ROBO2: variants seen among roughly 807,000 people sequenced by gnomAD.
The protein encoded by ROBO2 is roundabout homolog 2.
Under a neutral mutation model 160.8 loss-of-function variants are expected in ROBO2, and 53 were observed. The ratio of observed to expected loss-of-function variants is 0.33; its 90% CI spans 0.26 to 0.41. ROBO2 has a LOEUF of 0.41. Ranked by LOEUF, ROBO2 falls within the 10% of genes least tolerant of loss-of-function variation. ROBO2 has a pLI of 1.00. For missense variants in ROBO2, 1,577 were observed against 1,722.4 expected (o/e 0.92, Z 1.49); for synonymous variants, 664 against 611.7 (o/e 1.09, Z -1.26).
intron 2 of ROBO2, among the ~76,000 whole-genome samples, chr3:76,801,396 T>C (rs1275923513): frequency 1.3e-5 from 2 of 152,170 alleles, no homozygotes; most frequent in Non-Finnish European, 2.9e-5. Flanking sequence ...TTGTATATTT[T>C]AGAATAACTG....
At chr3:77,172,588 G>A (rs2079747470) in intron 2 of ROBO2, among the ~76,000 whole-genome samples, 1 of 152,050 alleles carries the variant, frequency 6.6e-6, no homozygotes, top group Non-Finnish European at 1.5e-5. Context: ...TCTGTTGAGT[G>A]TTTTCAGTGA....
intron 2 of ROBO2, among the ~76,000 whole-genome samples, chr3:76,099,261 G>A (rs1416432452): frequency 6.6e-6 from 1 of 151,970 alleles, no homozygotes; most frequent in African/African-American, 2.4e-5. Flanking sequence ...TTTACTGAAG[G>A]AGTTGGCTAT....
chr3:77,300,297 TG>T (rs1213572110), intron 2 of ROBO2, among the ~76,000 whole-genome samples: 1 of 151,928 alleles, frequency 6.6e-6, no homozygotes, highest in Admixed American at 6.6e-5. Flanking sequence ...AAGAGTTATT[TG>T]GAGAGTTGAT....
At chr3:76,360,809 C>T (rs138509824) in intron 2 of ROBO2, among the ~76,000 whole-genome samples, 6 of 152,108 alleles carry the variant, frequency 3.9e-5, no homozygotes, top group African/African-American at 1.4e-4. Flanking sequence ...CTTGGCCTCT[C>T]CCCTTTCTCC....
intron 2 of ROBO2, among the ~76,000 whole-genome samples, chr3:76,972,693 C>T (rs752614073): frequency 1.3e-5 from 2 of 151,850 alleles, no homozygotes; most frequent in African/African-American, 2.4e-5. Context: ...TCTGTCTCTA[C>T]AAAAAATCAA....
chr3:77,291,551 C>G (rs1359404732), intron 2 of ROBO2, among the ~76,000 whole-genome samples: 1 of 145,952 alleles, frequency 6.9e-6, no homozygotes, highest in Non-Finnish European at 1.5e-5. Flanking sequence ...TCACCCCAGA[C>G]ATAAAGTAAA....
chr3:76,671,921 A>G (rs17801877), intron 2 of ROBO2, among the ~76,000 whole-genome samples: 49,537 of 151,700 alleles, frequency 0.33, 9,009 homozygotes, highest in East Asian at 0.53. Flanking sequence ...TGATTCAGAA[A>G]CTGATTTTAC....
chr3:76,810,672 A>C (rs537794398), intron 2 of ROBO2, among the ~76,000 whole-genome samples: 1 of 152,298 alleles, frequency 6.6e-6, no homozygotes, highest in Non-Finnish European at 1.5e-5. Flanking sequence ...GAATATTATC[A>C]TTTTGCTGAG....
chr3:76,188,558 T>C (rs2107160089), intron 2 of ROBO2, among the ~76,000 whole-genome samples: 1 of 152,174 alleles, frequency 6.6e-6, no homozygotes, highest in Admixed American at 6.6e-5. Context: ...CCTCTAGAGT[T>C]GTGAGGGAAT....
chr3:77,600,773 A>C (rs1278311616), intron 19 of ROBO2, among the ~76,000 whole-genome samples: 1 of 152,186 alleles, frequency 6.6e-6, no homozygotes, highest in African/African-American at 2.4e-5. Flanking sequence ...TAATACTAAC[A>C]CTTGAGAATG....
intron 2 of ROBO2, among the ~76,000 whole-genome samples, chr3:77,009,840 G>A (rs2061772646): frequency 6.6e-6 from 1 of 151,162 alleles, no homozygotes; most frequent in Non-Finnish European, 1.5e-5. Context: ...CAGATACTTG[G>A]GAGGCAGAGG....
chr3:76,375,247 T>C (rs2076286873), intron 2 of ROBO2, among the ~76,000 whole-genome samples: 1 of 151,980 alleles, frequency 6.6e-6, no homozygotes, highest in Non-Finnish European at 1.5e-5. Flanking sequence ...ATTCACTAAA[T>C]CCTCACTGAT....
At chr3:76,626,978 C>T (rs1016921258) in intron 2 of ROBO2, among the ~76,000 whole-genome samples, 2 of 152,184 alleles carry the variant, frequency 1.3e-5, no homozygotes, top group Admixed American at 6.5e-5. Context: ...GCGTGAGCCA[C>T]CATGCCCAGC....
Position 76,347,807 on chromosome 3 carries a change from T to A in ROBO2, c.109+410205T>A, listed in dbSNP as rs1271971217. ...CATTAGTAAATTACTTTGCAGTGTC[T>A]GTTGTGAATTTGTATTTTTCCACAA... On this transcript the variant is annotated intron_variant, in intron 2 of 26. Transcript: ENST00000487694. 2.6e-5 allele frequency among the ~76,000 whole-genome samples: 4 copies of A among 152,232 alleles called. 1 individual carries two copies. Among genetic ancestry groups the A allele is most frequent in the African/African-American group, 7.2e-5 (3 of 41,562 alleles).
chr3:76,724,201 C>T (rs973690225), intron 2 of ROBO2, among the ~76,000 whole-genome samples: 2 of 152,142 alleles, frequency 1.3e-5, no homozygotes, highest in African/African-American at 4.8e-5. Context: ...CTCCATCCAG[C>T]CCAAATCCCA....
chr3:77,572,080 A>G (rs571504507), intron 13 of ROBO2, among the ~76,000 whole-genome samples: 10 of 152,166 alleles, frequency 6.6e-5, no homozygotes, highest in Non-Finnish European at 1.3e-4. Flanking sequence ...AATGAAAACC[A>G]AACATGGATA....
At chr3:77,589,584 A>G (rs1415292190) in intron 17 of ROBO2, among the ~76,000 whole-genome samples, 1 of 152,156 alleles carries the variant, frequency 6.6e-6, no homozygotes, top group Non-Finnish European at 1.5e-5. Context: ...TAGATGGTCT[A>G]CATCTTCACA....
chr3:76,678,586 T>G (rs2092473794), intron 2 of ROBO2, among the ~76,000 whole-genome samples: 1 of 152,202 alleles, frequency 6.6e-6, no homozygotes. Context: ...TTATAGGATC[T>G]ATGATTTTTG....
chr3:77,060,666 A>C (rs2066209576), intron 1 of ROBO2, among the ~76,000 whole-genome samples: 1 of 152,178 alleles, frequency 6.6e-6, no homozygotes, highest in South Asian at 2.1e-4. Context: ...CCACCACAGC[A>C]GCTCAAGTGT....
Sources: allele counts gnomAD v4.1 joint callset (sites outside exome capture counted in the v4.1 genomes callset), GRCh38; gene constraint gnomAD v4.1.1; transcripts MANE v1.5; gene names NCBI Gene and HGNC (gene_info 2026-07-23, HGNC 2026-07-21).